The following HIP1 variants were observed in gnomAD, a reference collection of about 807,000 sequenced individuals.
The protein encoded by HIP1 is huntingtin-interacting protein 1.
HIP1 carries 65 observed loss-of-function variants against 147.6 expected under a neutral mutation model. The observed-to-expected ratio is 0.44, with a 90% CI of 0.36 to 0.54. HIP1 has a LOEUF of 0.54. Among genes scored for constraint, HIP1 ranks in the 20% least tolerant of loss-of-function variants. HIP1 has a pLI of 0.00. For synonymous variants in HIP1, 479 were observed against 504.0 expected (o/e 0.95, Z 0.67); for missense variants, 1,061 against 1,299.6 (o/e 0.82, Z 2.82).
chr7:75,612,380 G>A (rs1041217521), intron 1 of HIP1, among the ~76,000 whole-genome samples: 2 of 151,998 alleles, frequency 1.3e-5, no homozygotes, highest in African/African-American at 2.4e-5. Context: ...GTGGTGGCGC[G>A]TACCTGTAGT....
At chr7:75,578,293 G>A (rs1173225690) in intron 7 of HIP1, among the ~76,000 whole-genome samples, 2 of 152,190 alleles carry the variant, frequency 1.3e-5, no homozygotes, top group African/African-American at 4.8e-5. Flanking sequence ...GCTTGTGTCA[G>A]CCGAACTGCA....
At chr7:75,697,747 G>C (rs1800686247) in intron 1 of HIP1, among the ~76,000 whole-genome samples, 1 of 152,226 alleles carries the variant, frequency 6.6e-6, no homozygotes, top group Non-Finnish European at 1.5e-5. Flanking sequence ...AGGAGGCGGA[G>C]TTTGCAGTGA....
In HIP1 at chr7:75,582,062, A is replaced by C; in HGVS notation, c.542+13T>G. 1 of 1,609,016 alleles carries C rather than the reference A, an allele frequency of 6.2e-7. No individual in the cohort carries two copies. Among genetic ancestry groups the C allele is most frequent in the Non-Finnish European group, 8.5e-7 (1 of 1,175,924 alleles). ...CTTTCTCCCTCCCTGGGCTCAGGGC[A>C]GGAGCCACTTACAAGTTGTTCACGT... On this transcript the variant is annotated intron_variant, in intron 6 of 30. Coordinates refer to ENST00000336926, the MANE Select transcript of HIP1 (RefSeq NM_005338.7).
chr7:75,651,895 G>C (rs954074924), intron 1 of HIP1, among the ~76,000 whole-genome samples: 1 of 152,126 alleles, frequency 6.6e-6, no homozygotes, highest in Non-Finnish European at 1.5e-5. Context: ...TGTAGTCCCA[G>C]CTACTCGGGA....
At chr7:75,553,024 C>T (rs1794845351) in intron 22 of HIP1, among the ~76,000 whole-genome samples, 1 of 151,838 alleles carries the variant, frequency 6.6e-6, no homozygotes, top group Non-Finnish European at 1.5e-5. Flanking sequence ...CTGCAACCTC[C>T]ACCTCCTGGG....
chr7:75,583,709 C>A lies in HIP1; in HGVS notation c.466-1558G>T, dbSNP rs115091062. Among the ~76,000 whole-genome samples the A allele has an allele frequency of 8.3e-3, 1,254 of 151,506 alleles. 21 individuals are homozygous for A. Among genetic ancestry groups the A allele is most frequent in the African/African-American group, 0.029 (1,201 of 41,188 alleles). On this transcript the variant is annotated intron_variant, in intron 5 of 30. Coordinates refer to ENST00000336926, the MANE Select transcript of HIP1 (RefSeq NM_005338.7). ...GGCTCAAGTGATCCTCCACCTCAGCCTCCTCAGTAGCTGGTACTACAGGCA... is the reference window on the plus strand; with the variant it reads ...GGCTCAAGTGATCCTCCACCTCAGCATCCTCAGTAGCTGGTACTACAGGCA...
rs556718900 is a variant in HIP1, at chr7:75,652,340, G to T, written c.121-53093C>A. Among the ~76,000 whole-genome samples the T allele has an allele frequency of 4.0e-5, 6 of 150,030 alleles. No homozygotes were observed. In the East Asian group the frequency reaches 7.8e-4, roughly 20 times the overall value. On this transcript the variant is annotated intron_variant, in intron 1 of 30. Coordinates refer to ENST00000336926, the MANE Select transcript of HIP1 (RefSeq NM_005338.7). The stretch of plus-strand genomic sequence containing the variant: ...AAAAAAAAAAAAAAAACCACTATAT[G>T]TATGTTAATTTTTTCATTGTTTTAA...
intron 1 of HIP1, among the ~76,000 whole-genome samples, chr7:75,600,149 C>T (rs1321616586): frequency 5.9e-5 from 9 of 151,854 alleles, no homozygotes; most frequent in Non-Finnish European, 2.9e-5. Context: ...CTTACTCTGT[C>T]GCCCAGGCTA....
intron 5 of HIP1, among the ~76,000 whole-genome samples, chr7:75,586,492 G>A (rs1554499660): frequency 1.3e-5 from 2 of 152,102 alleles, no homozygotes; most frequent in African/African-American, 2.4e-5. Context: ...GTGAGCCACC[G>A]TGCCTGGCCA....
chr7:75,567,820 T>G (rs1326118715), intron 9 of HIP1, among the ~76,000 whole-genome samples: 1 of 152,158 alleles, frequency 6.6e-6, no homozygotes, highest in Non-Finnish European at 1.5e-5. Context: ...AAAAAAAATT[T>G]TTTTTTAGAG....
intron 13 of HIP1, among the ~76,000 whole-genome samples, chr7:75,560,458 C>T (rs1389469306): frequency 3.9e-5 from 6 of 152,116 alleles, no homozygotes; most frequent in Non-Finnish European, 8.8e-5. Context: ...TGCTATGTTG[C>T]CCAAGCTAGT....
intron 1 of HIP1, among the ~76,000 whole-genome samples, chr7:75,734,195 G>A (rs947877786): frequency 9.2e-5 from 14 of 151,936 alleles, no homozygotes; most frequent in African/African-American, 2.9e-4. Context: ...GTAGTGAACC[G>A]AGATGGCGCC....
At chr7:75,605,116 A>G (rs1797174306) in intron 1 of HIP1, among the ~76,000 whole-genome samples, 1 of 152,128 alleles carries the variant, frequency 6.6e-6, no homozygotes, top group Non-Finnish European at 1.5e-5. Context: ...TCTGTCATAT[A>G]TGCCTCATAG....
intron 7 of HIP1, among the ~76,000 whole-genome samples, chr7:75,575,836 C>G (rs587676098): frequency 9.5e-4 from 145 of 152,154 alleles, no homozygotes; most frequent in African/African-American, 3.4e-3. Context: ...TGGAACTGGC[C>G]CAGAGGGAAG....
chr7:75,670,025 T>G (rs1799686712), intron 1 of HIP1, among the ~76,000 whole-genome samples: 4 of 152,204 alleles, frequency 2.6e-5, no homozygotes. Flanking sequence ...AGTCTTGAAC[T>G]CCTGACCTCA....
intron 1 of HIP1, among the ~76,000 whole-genome samples, chr7:75,627,567 G>A (rs1169635715): frequency 3.3e-5 from 5 of 152,082 alleles, no homozygotes; most frequent in African/African-American, 4.8e-5. Flanking sequence ...CATGAGACAC[G>A]GTGCTCTGTC....
rs1584802197 is a variant in HIP1 at position 75,563,272 on chromosome 7, G to A, written c.804-9C>T. On this transcript the variant is annotated splice_polypyrimidine_tract_variant and intron_variant, in intron 9 of 30. Coordinates refer to ENST00000336926, the MANE Select transcript of HIP1 (RefSeq NM_005338.7). ...AGAACAGATCTTTCAACCTAGGGGT[G>A]GAGAAGGACCTGAGGGGTGCTGGGT... The A allele has an allele frequency of 1.2e-6, 2 of 1,613,932 alleles. No individual in the cohort carries two copies. Among genetic ancestry groups the A allele is most frequent in the African/African-American group, 2.7e-5 (2 of 75,052 alleles).
intron 1 of HIP1, among the ~76,000 whole-genome samples, chr7:75,638,552 C>G (rs1422706133): frequency 2.6e-5 from 4 of 152,188 alleles, no homozygotes; most frequent in African/African-American, 9.7e-5. Context: ...CCGTCTCTGC[C>G]AAGGGCTCCA....
At chr7:75,729,274 G>C (rs1446603367) in intron 1 of HIP1, among the ~76,000 whole-genome samples, 1 of 121,524 alleles carries the variant, frequency 8.2e-6, no homozygotes, top group Non-Finnish European at 1.6e-5. Flanking sequence ...TTTGAGACAA[G>C]CCTGGGCAAC....
Sources: allele counts gnomAD v4.1 joint callset (sites outside exome capture counted in the v4.1 genomes callset), GRCh38; gene constraint gnomAD v4.1.1; transcripts MANE v1.5; gene names NCBI Gene and HGNC (gene_info 2026-07-23, HGNC 2026-07-21).